The following SRMS variants were observed in gnomAD, a reference collection of about 807,000 sequenced individuals.
SRMS encodes src-related kinase lacking C-terminal regulatory tyrosine and N-terminal myristylation sites, also known as tyrosine-protein kinase Srms.
SRMS carries 42 observed loss-of-function variants against 43.5 expected under a neutral mutation model. That is an observed-to-expected ratio of 0.97 (90% CI 0.75 to 1.25). The LOEUF (loss-of-function observed/expected upper bound fraction) is 1.25. Ranked by LOEUF, SRMS falls within the 50% of genes most tolerant of loss-of-function variation. The pLI is 0.00. For missense variants in SRMS, 703 were observed against 681.0 expected (o/e 1.03, Z -0.36); for synonymous variants, 316 against 308.2 (o/e 1.03, Z -0.27).
In SRMS at chr20:63,543,329, C is replaced by G; in HGVS notation, c.630G>C (p.Gln210His). ...ACAGGCCCACCTGGGGCATGCAGGG[C>G]TGCAGCAGGGGGTTCTGGATCAGCT... ...NWKLIQNPLLQPCMPQKAPRQ... is the reference protein window; with the variant it reads ...NWKLIQNPLLHPCMPQKAPRQ... Residue 210 changes from glutamine to histidine, a missense_variant, in exon 3 of 8, where the codon CAG becomes CAC. Transcript: ENST00000217188. The G allele has an allele frequency of 6.2e-7, 1 of 1,612,544 alleles. No individual in the cohort carries two copies. Among genetic ancestry groups the G allele is most frequent in the South Asian group, 1.1e-5 (1 of 91,082 alleles).
chr20:63,541,028 G>A lies in SRMS; in HGVS notation c.1286-29C>T, dbSNP rs1414512902. ...GGAGGCGCGGGGCAAGAGCTGCCTC[G>A]ATTCTGCCTGGGGGTCCCTATGGAG... On this transcript the variant is annotated intron_variant, in intron 7 of 7. Transcript: ENST00000217188. 22 of 1,606,688 alleles carry A rather than the reference G, an allele frequency of 1.4e-5. No individual in the cohort carries two copies. In the East Asian group the frequency reaches 1.6e-4, roughly 11 times the overall value.
At chr20:63,541,733 C>T (rs966337185) in intron 5 of SRMS, 113 bp from the exon 6 acceptor site, 32 of 1,307,998 alleles carry the variant, frequency 2.4e-5, no homozygotes, top group Non-Finnish European at 2.9e-5. Flanking sequence ...TAAGACGTGG[C>T]GAGGATGGCA....
chr20:63,547,222 AG>A lies in SRMS; in HGVS notation c.241del (p.Leu81SerfsTer123). On this transcript the variant is annotated frameshift_variant, in exon 1 of 8. Transcript: ENST00000217188. LOFTEE classifies it high-confidence loss of function. ...SVRRGDRLCA[L>X]EEGGGYIFAR... is the part of the protein sequence containing the mutation. Reference sequence around the variant, plus strand: ...GAAGATGTAGCCGCCCCCCTCTTCGAGGGCACAGAGCCTGTCCCCGCGGCGG... The same window carrying A: ...GAAGATGTAGCCGCCCCCCTCTTCGAGGCACAGAGCCTGTCCCCGCGGCGG... 1 of 1,611,994 alleles carries A rather than the reference AG, an allele frequency of 6.2e-7. No homozygotes were observed. The highest frequency in any genetic ancestry group is 8.5e-7 in the Non-Finnish European group (1 of 1,179,568).
At position 63,542,292 on chromosome 20, in the gene SRMS, C is replaced by A. The variant is rs745967066; in HGVS notation, c.817G>T (p.Glu273Ter). 3.1e-6 allele frequency: 5 copies of A among 1,611,580 alleles called. No homozygotes were observed. The highest frequency in any genetic ancestry group is 4.2e-6 in the Non-Finnish European group (5 of 1,178,956). Residue 273 changes from glutamate to a stop codon, truncating the protein, a stop_gained, in exon 5 of 8, where the codon GAG becomes TAG. Coordinates refer to ENST00000217188, the MANE Select transcript of SRMS (RefSeq NM_080823.4). LOFTEE classifies it high-confidence loss of function. ...ANMKLTDLAKEIQTLKGLRHE... is the reference protein window; with the variant it reads ...ANMKLTDLAK ...CGCAGGCCCTTCAGTGTCTGGATCT[C>A]CTTGGCGAGGTCAGTGAGCTTCATG...
chr20:63,541,110 C>G (rs930359487), intron 7 of SRMS, 81 bp downstream of exon 7: 2 of 1,563,694 alleles, frequency 1.3e-6, no homozygotes, highest in Non-Finnish European at 1.7e-6. Flanking sequence ...CCCTCCAACC[C>G]CTTGCCGACA....
At position 63,547,647 on chromosome 20, in the gene SRMS, C is replaced by T. The variant is rs1331048783; in HGVS notation, c.-184G>A. On this transcript the variant is annotated 5_prime_UTR_variant, in exon 1 of 8. Coordinates refer to ENST00000217188, the MANE Select transcript of SRMS (RefSeq NM_080823.4). ...CCAGGAGGCACACGGTTCCCACCGG[C>T]GTCCGGGCTGGCGTTGGGGCTGGGT... is the stretch of plus-strand genomic sequence containing the variant. The T allele has an allele frequency of 8.8e-6, 5 of 568,508 alleles. No individual in the cohort carries two copies. The highest frequency in any genetic ancestry group is 2.0e-5 in the African/African-American group (1 of 50,146). The allele number at this position is 568,508 out of a possible 1,614,324, so 35.2% of individuals were successfully genotyped here. A position where few individuals can be genotyped will look rare whatever the true frequency, so the allele number is the denominator to read the frequency against.
At chr20:63,542,415 G>T (rs750608272) in intron 4 of SRMS, 25 bp downstream of exon 4, 3 of 1,603,210 alleles carry the variant, frequency 1.9e-6, no homozygotes, top group South Asian at 2.2e-5. Flanking sequence ...GGGCCCGGCC[G>T]TGGCGCAGGA....
intron 2 of SRMS, 39 bp downstream of exon 2, chr20:63,544,188 C>G: frequency 7.1e-7 from 1 of 1,406,414 alleles, no homozygotes; most frequent in South Asian, 1.6e-5. Context: ...GGCCACTGAC[C>G]TGGTGGGGGA....
intron 5 of SRMS, 64 bp downstream of exon 5, chr20:63,542,099 C>T (rs1336281519): frequency 1.1e-5 from 17 of 1,560,518 alleles, no homozygotes; most frequent in African/African-American, 4.1e-5. Flanking sequence ...TTCAGCTCTG[C>T]GCCAGGAGGG....
chr20:63,545,825 G>A (rs539733850), intron 1 of SRMS, among the ~76,000 whole-genome samples: 5 of 152,232 alleles, frequency 3.3e-5, no homozygotes, highest in Admixed American at 1.3e-4. Flanking sequence ...ACCCTCTCAC[G>A]TGTAAAGGGA....
chr20:63,546,965 C>T, intron 1 of SRMS, 143 bp downstream of exon 1: 1 of 782,572 alleles, frequency 1.3e-6, no homozygotes, highest in Non-Finnish European at 1.9e-6. Flanking sequence ...GGCCCATCAG[C>T]TGTCCCTGAA....
chr20:63,544,289 T>C lies in SRMS; in HGVS notation c.416A>G (p.Asn139Ser). 6.7e-7 allele frequency: 1 copy of C among 1,483,362 alleles called. No individual in the cohort carries two copies. The highest frequency in any genetic ancestry group is 8.9e-7 in the Non-Finnish European group (1 of 1,118,070). 91.9% of individuals were successfully genotyped at this position (1,483,362 alleles called of 1,614,324 possible). ...QAQQLLLSPP[N>S]EPGAFLIRPS... ...CCGGATGAGGAAGGCCCCTGGTTCG[T>C]TGGGTGGGGAGAGGAGCAGCTGCTG... is the stretch of plus-strand genomic sequence containing the variant. The change falls in exon 2 of 8, where the codon AAC becomes AGC. Residue 139 changes from asparagine to serine, a missense_variant. Transcript: ENST00000217188.
At position 63,542,504 on chromosome 20, in the gene SRMS, A is replaced by G. The variant is rs1162325181; in HGVS notation, c.723T>C (p.Phe241=). 1 of 1,612,670 alleles carries G rather than the reference A, an allele frequency of 6.2e-7. No homozygotes were observed. Among genetic ancestry groups the G allele is most frequent in the East Asian group, 2.2e-5 (1 of 44,860 alleles). Residue 241 remains phenylalanine, a synonymous_variant, in exon 4 of 8, where the codon TTT becomes TTC. Coordinates refer to ENST00000217188, the MANE Select transcript of SRMS (RefSeq NM_080823.4). ...GCCACAGGCCTTCCCACACCTCCCCAAAGTAGCCTTCACCCAGCTTCCTCC... is the reference window on the plus strand; with the variant it reads ...GCCACAGGCCTTCCCACACCTCCCCGAAGTAGCCTTCACCCAGCTTCCTCC... The part of the protein sequence containing the change: ...ALGRKLGEGY[F]GEVWEGLWLG...
rs147145618 is a variant in SRMS at position 63,541,812 on chromosome 20, C to T, written c.947-192G>A. The stretch of plus-strand genomic sequence containing the variant: ...GGGTCCTGTACTCACCACAGTGACC[C>T]GGCAGCCGGCCCAGGCCCCCGACAA... On this transcript the variant is annotated intron_variant, in intron 5 of 7. Transcript: ENST00000217188. 9.2e-3 allele frequency among the ~76,000 whole-genome samples: 1,404 copies of T among 152,184 alleles called. 23 individuals carry two copies. Among genetic ancestry groups the T allele is most frequent in the African/African-American group, 0.031 (1,278 of 41,522 alleles).
Position 63,547,203 on chromosome 20 carries a change from G to C in SRMS, c.261C>G (p.Tyr87Ter). 1 of 1,612,322 alleles carries C rather than the reference G, an allele frequency of 6.2e-7. No homozygotes were observed. The highest frequency in any genetic ancestry group is 1.3e-5 in the African/African-American group (1 of 75,016). The change falls in exon 1 of 8, where the codon TAC becomes TAG. Residue 87 changes from tyrosine (Y) to a stop codon, truncating the protein, a stop_gained. Coordinates refer to ENST00000217188, the MANE Select transcript of SRMS (RefSeq NM_080823.4). LOFTEE classifies it high-confidence loss of function. The stretch of plus-strand genomic sequence containing the variant: ...GGCCCGAAAGCCTGCGTGCGAAGAT[G>C]TAGCCGCCCCCCTCTTCGAGGGCAC... ...RLCALEEGGG[Y>*]IFARRLSGQP...
At chr20:63,544,450 C>A (rs1439597365) in intron 1 of SRMS, 102 bp from the exon 2 acceptor site, 3 of 1,344,784 alleles carry the variant, frequency 2.2e-6, no homozygotes, top group South Asian at 3.4e-5. Context: ...GCTGTCCCAC[C>A]GCCTCAGGGA....
rs2082688293 is a variant in SRMS, at chr20:63,538,997, C to T, written c.*1821G>A. ...CAGACACACCTGGTCCCCTTAATCC[C>T]AGTGGCGGCTGCAGAGAGCACAGAG... On this transcript the variant is annotated 3_prime_UTR_variant, in exon 8 of 8. Coordinates refer to ENST00000217188, the MANE Select transcript of SRMS (RefSeq NM_080823.4). Among the ~76,000 whole-genome samples, 1 of 152,162 alleles carries T rather than the reference C, an allele frequency of 6.6e-6. No homozygotes were observed.
intron 3 of SRMS, 74 bp downstream of exon 3, chr20:63,543,240 G>C: frequency 6.4e-7 from 1 of 1,552,296 alleles, no homozygotes; most frequent in Non-Finnish European, 8.7e-7. Flanking sequence ...TTTTGTGACG[G>C]GGTGGGGAGG....
chr20:63,542,323 T>A lies in SRMS; in HGVS notation c.788-2A>T, dbSNP rs1171577994. On this transcript the variant is annotated splice_acceptor_variant, in intron 4 of 7. Transcript: ENST00000217188. LOFTEE classifies it high-confidence loss of function. ...CGAGGTCAGTGAGCTTCATGTTGGC[T>A]GCGAGAGAGGGTGTGGCTCCAGGAC... is the stretch of plus-strand genomic sequence containing the variant. 1.2e-6 allele frequency: 2 copies of A among 1,606,862 alleles called. No homozygotes were observed. Among genetic ancestry groups the A allele is most frequent in the African/African-American group, 2.7e-5 (2 of 74,826 alleles).
Sources: gnomAD v4.1 joint callset for allele counts (sites outside exome capture counted in the v4.1 genomes callset) on GRCh38, gnomAD v4.1.1 for gene constraint, MANE v1.5 for transcripts, NCBI Gene and HGNC (gene_info 2026-07-23, HGNC 2026-07-21) for gene names.